ADGRF5: variants seen among roughly 807,000 people sequenced by gnomAD.
The protein encoded by ADGRF5 is G-protein coupled receptor 116.
A neutral mutation model predicts 132.3 loss-of-function variants in ADGRF5; 75 were observed. That is an observed-to-expected ratio of 0.57 (90% CI 0.47 to 0.69). The LOEUF (loss-of-function observed/expected upper bound fraction) is 0.69. Among genes scored for constraint, ADGRF5 ranks in the 30% least tolerant of loss-of-function variants. The pLI, the probability that ADGRF5 is intolerant of heterozygous loss-of-function variation, is 0.00. For missense variants in ADGRF5, 1,516 were observed against 1,630.6 expected (o/e 0.93, Z 1.21); for synonymous variants, 629 against 597.6 (o/e 1.05, Z -0.77).
At chr6:46,862,133 A>C (rs891003029) in intron 15 of ADGRF5, among the ~76,000 whole-genome samples, 1 of 152,226 alleles carries the variant, frequency 6.6e-6, no homozygotes, top group Non-Finnish European at 1.5e-5. Flanking sequence ...AGTTAATTAG[A>C]TGAAACACAT....
chr6:46,887,576 C>A (rs1244844547), intron 4 of ADGRF5, among the ~76,000 whole-genome samples: 1 of 152,058 alleles, frequency 6.6e-6, no homozygotes, highest in Non-Finnish European at 1.5e-5. Context: ...ATGCATGTAC[C>A]GACATTGGGA....
chr6:46,950,011 T>C (rs1319665243), intron 1 of ADGRF5, among the ~76,000 whole-genome samples: 1 of 152,174 alleles, frequency 6.6e-6, no homozygotes, highest in African/African-American at 2.4e-5. Flanking sequence ...CTATCCTCAC[T>C]CTAGCCTGAT....
chr6:46,925,478 C>T (rs956552064), upstream of ADGRF5, among the ~76,000 whole-genome samples: 2 of 152,200 alleles, frequency 1.3e-5, no homozygotes, highest in Admixed American at 6.5e-5. Context: ...GCTCCTAAGT[C>T]GAGTGCAGTG....
intron 1 of ADGRF5, among the ~76,000 whole-genome samples, chr6:46,945,893 G>A (rs1778285431): frequency 6.6e-6 from 1 of 152,142 alleles, no homozygotes; most frequent in East Asian, 1.9e-4. Flanking sequence ...CTTGTTCAGG[G>A]GAACTCCCAT....
intron 1 of ADGRF5, among the ~76,000 whole-genome samples, chr6:46,953,395 G>T (rs927724553): frequency 6.6e-6 from 1 of 151,946 alleles, no homozygotes; most frequent in African/African-American, 2.4e-5. Context: ...GCCAAAGTGG[G>T]CAGATCACCT....
chr6:46,883,311 C>A (rs941828342), intron 6 of ADGRF5, among the ~76,000 whole-genome samples: 9 of 152,108 alleles, frequency 5.9e-5, no homozygotes, highest in African/African-American at 2.2e-4. Context: ...TGAATTGATG[C>A]CACGAAATCT....
intron 1 of ADGRF5, among the ~76,000 whole-genome samples, chr6:46,936,966 T>G (rs964706827): frequency 6.6e-6 from 1 of 152,204 alleles, no homozygotes; most frequent in African/African-American, 2.4e-5. Flanking sequence ...GGCAGGTTCC[T>G]CTGACACCTC....
At chr6:46,860,921 A>G (rs1562145182) in intron 15 of ADGRF5, 27 bp from the exon 16 acceptor site, 1 of 1,563,542 alleles carries the variant, frequency 6.4e-7, no homozygotes, top group South Asian at 1.2e-5. Flanking sequence ...CAACACAAAA[A>G]AAAATTTACC....
chr6:46,922,449 T>G (rs1023320488), upstream of ADGRF5, among the ~76,000 whole-genome samples: 1 of 152,224 alleles, frequency 6.6e-6, no homozygotes, highest in Admixed American at 6.5e-5. Flanking sequence ...AGTATTTGTG[T>G]ATCAAACTAT....
intron 1 of ADGRF5, among the ~76,000 whole-genome samples, chr6:46,951,151 G>A (rs1037016477): frequency 5.9e-5 from 9 of 152,212 alleles, no homozygotes; most frequent in African/African-American, 2.2e-4. Flanking sequence ...ACTTGAGTGG[G>A]TAAGAAATTA....
chr6:46,896,167 A>G (rs1774160561), intron 3 of ADGRF5, among the ~76,000 whole-genome samples: 1 of 152,066 alleles, frequency 6.6e-6, no homozygotes, highest in Non-Finnish European at 1.5e-5. Flanking sequence ...CCATGGGGAT[A>G]CTTTTCACTT....
At chr6:46,862,727 T>TTTTTTTTTTTTTTTTTTTTTTTG (rs1769921975) in intron 15 of ADGRF5, among the ~76,000 whole-genome samples, 161 bp downstream of exon 15, 1 of 144,178 alleles carries the variant, frequency 6.9e-6, no homozygotes, top group Admixed American at 7.0e-5. Flanking sequence ...TTTTTTTTTT[T>TTTTTTTTTTTTTTTTTTTTTTTG]TTGCATTTCT....
intron 10 of ADGRF5, among the ~76,000 whole-genome samples, chr6:46,877,279 CTT>C (rs59698674): frequency 5.0e-3 from 242 of 48,410 alleles, no homozygotes; most frequent in Middle Eastern, 9.3e-3. Context: ...TTCTTTCTTT[CTT>C]TCTTTCTTTC....
intron 5 of ADGRF5, 121 bp downstream of exon 5, chr6:46,883,974 A>G (rs1772779014): frequency 1.2e-6 from 1 of 865,242 alleles, no homozygotes; most frequent in South Asian, 1.6e-5. Flanking sequence ...AGTCCTGACC[A>G]CAGGTGATCC....
intron 2 of ADGRF5, among the ~76,000 whole-genome samples, chr6:46,904,447 A>G (rs1775111160): frequency 6.6e-6 from 1 of 152,238 alleles, no homozygotes; most frequent in East Asian, 1.9e-4. Flanking sequence ...AGTCAGCCAC[A>G]AAAAGACAAA....
At chr6:46,938,892 T>A (rs9472916) in intron 1 of ADGRF5, among the ~76,000 whole-genome samples, 1,468 of 128,892 alleles carry the variant, frequency 0.011, 21 homozygotes, top group African/African-American at 0.04. Context: ...TTTTTTTTTT[T>A]ATGGAGTCTC....
chr6:46,871,641 C>T (rs1467094132), intron 11 of ADGRF5, among the ~76,000 whole-genome samples: 1 of 152,094 alleles, frequency 6.6e-6, no homozygotes, highest in African/African-American at 2.4e-5. Context: ...ACAACCATCC[C>T]CAATTGTTAA....
Position 46,859,241 on chromosome 6 carries a change from G to C in ADGRF5, c.2662C>G (p.Leu888Val), listed in dbSNP as rs1769435907. Residue 888 changes from leucine (L) to valine (V), a missense_variant, in exon 17 of 21, where the codon CTA becomes GTA. By Grantham distance (32) the Leu-to-Val change is conservative. This residue lies in a region of ADGRF5 where 571 missense variants were observed against 701.2 expected (regional missense o/e 0.81). Transcript: ENST00000283296. Reference protein sequence around the residue: ...WGNVVIDKSYLENLQSDSSIV... With the variant: ...WGNVVIDKSYVENLQSDSSIV... ...GACGAATCCGACTGCAAGTTTTCTA[G>C]ATAGCTCTTGTCAATGACCACATTG... is the stretch of plus-strand genomic sequence containing the variant. 1 of 1,614,034 alleles carries C rather than the reference G, an allele frequency of 6.2e-7. No individual in the cohort carries two copies. Among genetic ancestry groups the C allele is most frequent in the Non-Finnish European group, 8.5e-7 (1 of 1,180,036 alleles).
intron 15 of ADGRF5, 65 bp downstream of exon 15, chr6:46,862,823 G>T: frequency 1.0e-6 from 1 of 994,172 alleles, no homozygotes; most frequent in Non-Finnish European, 1.5e-6. Context: ...CCTAAGTGCT[G>T]AGAAATATGA....
Sources: gnomAD v4.1 joint callset for allele counts (sites outside exome capture counted in the v4.1 genomes callset) on GRCh38, gnomAD v4.1.1 for gene constraint, gnomAD v4.1.1 regional missense constraint, MANE v1.5 for transcripts, NCBI Gene and HGNC (gene_info 2026-07-23, HGNC 2026-07-21) for gene names.